The following PCDHGA2 variants were observed in gnomAD, a reference collection of about 807,000 sequenced individuals.
PCDHGA2 encodes protocadherin gamma-A2.
Under a neutral mutation model 59.2 loss-of-function variants are expected in PCDHGA2, and 40 were observed. The ratio of observed to expected loss-of-function variants is 0.68; its 90% confidence interval spans 0.52 to 0.88. PCDHGA2 has a LOEUF of 0.88. PCDHGA2 is among the 40% of genes least tolerant of loss of function. PCDHGA2 has a pLI of 0.00. For missense variants in PCDHGA2, 1,226 were observed against 1,204.0 expected, an observed-to-expected ratio of 1.02 and a Z score of -0.27; for synonymous variants, 560 against 526.0, an observed-to-expected ratio of 1.06 and a Z score of -0.89.
At chr5:141,425,018 T>C (rs2096853023) in intron 1 of PCDHGA2, among the ~76,000 whole-genome samples, 1 of 152,224 alleles carries the variant, frequency 6.6e-6, no homozygotes, top group Non-Finnish European at 1.5e-5. Context: ...TTTAGGAATT[T>C]ACCTTATGTC....
intron 1 of PCDHGA2, among the ~76,000 whole-genome samples, chr5:141,454,881 C>G (rs2098805859): frequency 7.4e-6 from 1 of 135,536 alleles, no homozygotes; most frequent in African/African-American, 2.8e-5. Flanking sequence ...GATCTTGGCT[C>G]ACTGCTAGCA....
chr5:141,444,363 G>A (rs1292799006), intron 1 of PCDHGA2, among the ~76,000 whole-genome samples: 1 of 151,772 alleles, frequency 6.6e-6, no homozygotes, highest in Non-Finnish European at 1.5e-5. Context: ...TAGAGACGGG[G>A]TTTCTCCATG....
chr5:141,363,555 G>A (rs758250718), intron 1 of PCDHGA2, among the ~76,000 whole-genome samples: 2 of 152,096 alleles, frequency 1.3e-5, no homozygotes, highest in Non-Finnish European at 2.9e-5. Flanking sequence ...ATTTGAACAT[G>A]GTAATAGAAA....
chr5:141,509,575 T>C (rs186302231), intron 3 of PCDHGA2, among the ~76,000 whole-genome samples: 153 of 152,320 alleles, frequency 1.0e-3, no homozygotes, highest in African/African-American at 3.7e-3. Flanking sequence ...TCACAGTGCG[T>C]ACAAATCAGC....
chr5:141,367,002 T>A (rs1764897484), intron 1 of PCDHGA2: 3 of 451,252 alleles, frequency 6.6e-6, no homozygotes. Context: ...TATAATCATT[T>A]TACCCAAATA....
chr5:141,415,507 A>G, intron 1 of PCDHGA2: 1 of 1,614,156 alleles, frequency 6.2e-7, no homozygotes, highest in Admixed American at 1.7e-5. Context: ...CCCCCAGCCC[A>G]ATTATGCGGA....
chr5:141,445,975 G>A (rs1279186740), intron 1 of PCDHGA2, among the ~76,000 whole-genome samples: 1 of 152,124 alleles, frequency 6.6e-6, no homozygotes, highest in Non-Finnish European at 1.5e-5. Flanking sequence ...TGATTTATGA[G>A]GGTTATAAAT....
intron 1 of PCDHGA2, chr5:141,440,587 A>G (rs566819394): frequency 1.3e-5 from 2 of 152,392 alleles, no homozygotes; most frequent in East Asian, 3.9e-4. Flanking sequence ...CCCAGCTGGA[A>G]CAAGATTTGC....
chr5:141,449,804 T>C (rs991937787), intron 1 of PCDHGA2, among the ~76,000 whole-genome samples: 2 of 151,676 alleles, frequency 1.3e-5, no homozygotes, highest in Non-Finnish European at 2.9e-5. Flanking sequence ...AAATACCTCA[T>C]TGTGTATTTC....
At chr5:141,393,326 G>C (rs2092729554) in intron 1 of PCDHGA2, 2 of 1,611,218 alleles carry the variant, frequency 1.2e-6, no homozygotes, top group Non-Finnish European at 1.7e-6. Context: ...AGAGCTACCA[G>C]CTCAGCCCCA....
chr5:141,473,362 C>A (rs2099320242), intron 1 of PCDHGA2, among the ~76,000 whole-genome samples: 1 of 152,166 alleles, frequency 6.6e-6, no homozygotes, highest in Admixed American at 6.5e-5. Context: ...AAGTGGCCAC[C>A]AAAATAGCAT....
intron 1 of PCDHGA2, chr5:141,399,525 C>G: frequency 6.2e-7 from 1 of 1,614,058 alleles, no homozygotes; most frequent in Non-Finnish European, 8.5e-7. Flanking sequence ...CTGGGGCCTC[C>G]ATCGCGCAAG....
chr5:141,375,013 G>C, intron 1 of PCDHGA2: 2 of 1,614,004 alleles, frequency 1.2e-6, no homozygotes, highest in Non-Finnish European at 1.7e-6. Flanking sequence ...TAGACTATGA[G>C]GACTCGAGTT....
At chr5:141,422,399 T>C in intron 1 of PCDHGA2, 3 of 1,598,374 alleles carry the variant, frequency 1.9e-6, no homozygotes, top group Non-Finnish European at 2.6e-6. Context: ...CCTAACCACC[T>C]GCCTTTTAAA....
intron 1 of PCDHGA2, chr5:141,412,235 A>T (rs2095544372): frequency 6.6e-6 from 1 of 152,260 alleles, no homozygotes. Flanking sequence ...AAAAACCTAT[A>T]TCACTACATC....
chr5:141,355,972 G>A lies in PCDHGA2; in HGVS notation c.2424+14577G>A. ...AAGTGTTCGTGAGAACGTTCCTGTAGGCACTCGGCTACTCACCGTAAAAGC... is the reference window on the plus strand; with the variant it reads ...AAGTGTTCGTGAGAACGTTCCTGTAAGCACTCGGCTACTCACCGTAAAAGC... On this transcript the variant is annotated intron_variant, in intron 1 of 3. Coordinates refer to ENST00000394576, the MANE Select transcript of PCDHGA2 (RefSeq NM_018915.4). 1 of 1,613,860 alleles carries A rather than the reference G, an allele frequency of 6.2e-7. No homozygotes were observed. Among genetic ancestry groups the A allele is most frequent in the Non-Finnish European group, 8.5e-7 (1 of 1,179,866 alleles).
intron 1 of PCDHGA2, chr5:141,430,634 C>A: frequency 1.1e-6 from 1 of 882,730 alleles, no homozygotes; most frequent in Non-Finnish European, 1.7e-6. Flanking sequence ...TGAACCATCC[C>A]TGGGAGTATG....
intron 2 of PCDHGA2, among the ~76,000 whole-genome samples, chr5:141,499,576 G>C (rs2099792836): frequency 1.3e-5 from 2 of 151,790 alleles, no homozygotes; most frequent in Non-Finnish European, 2.9e-5. Context: ...TTCAACTAAT[G>C]CCTTATCTTG....
Position 141,339,232 on chromosome 5 carries a change from G to C in PCDHGA2, c.261G>C (p.Ala87=). 6.2e-7 allele frequency: 1 copy of C among 1,614,250 alleles called. No individual in the cohort carries two copies. The highest frequency in any genetic ancestry group is 8.5e-7 in the Non-Finnish European group (1 of 1,180,034). The change falls in exon 1 of 4, where the codon GCG becomes GCC. Residue 87 remains alanine (A), a synonymous_variant. Transcript: ENST00000394576. ...CGCGAAGCGGCAGCTTGGTCACTGCGAACAGGATAGACCGGGAGGAGCTCT... is the reference window on the plus strand; with the variant it reads ...CGCGAAGCGGCAGCTTGGTCACTGCCAACAGGATAGACCGGGAGGAGCTCT... The part of the protein sequence containing the change: ...LNPRSGSLVT[A]NRIDREELCA...
Sources: allele counts gnomAD v4.1 joint callset (sites outside exome capture counted in the v4.1 genomes callset), GRCh38; gene constraint gnomAD v4.1.1; transcripts MANE v1.5; gene names NCBI Gene and HGNC (gene_info 2026-07-23, HGNC 2026-07-21).